BRINP3: variants seen among roughly 807,000 people sequenced by gnomAD.
BRINP3 encodes BMP/retinoic acid inducible neural specific 3.
A neutral mutation model predicts 71.0 loss-of-function variants in BRINP3; 19 were observed. The ratio of observed to expected loss-of-function variants is 0.27; its 90% confidence interval spans 0.19 to 0.39. BRINP3 has a LOEUF of 0.39. Among genes scored for constraint, BRINP3 ranks in the 10% least tolerant of loss-of-function variants. BRINP3 has a pLI of 1.00. For missense variants in BRINP3, 959 were observed against 940.8 expected, an observed-to-expected ratio of 1.02 and a Z score of -0.25; for synonymous variants, 380 against 337.7, an observed-to-expected ratio of 1.13 and a Z score of -1.37.
chr1:190,250,970 A>G (rs549824544), intron 4 of BRINP3, among the ~76,000 whole-genome samples: 1 of 152,014 alleles, frequency 6.6e-6, no homozygotes, highest in Non-Finnish European at 1.5e-5. Flanking sequence ...TAATACCAAC[A>G]ATTTGGGTGG....
chr1:190,130,686 C>CA (rs1377229251), intron 7 of BRINP3, among the ~76,000 whole-genome samples: 2 of 151,964 alleles, frequency 1.3e-5, no homozygotes. Context: ...GACTGTACAG[C>CA]CAGGGATTGT....
At position 190,173,490 on chromosome 1, in the gene BRINP3, C is replaced by A. The variant is rs556968857; in HGVS notation, c.962-12600G>T. On this transcript the variant is annotated intron_variant, in intron 6 of 7. Transcript: ENST00000367462. ...AGATACATTGGTCTTCATCTCCTCA[C>A]GCCCTTGAAGCAGCACTGGCACTAC... Among the ~76,000 whole-genome samples the A allele has an allele frequency of 7.0e-4, 106 of 152,252 alleles. 1 individual carries two copies. Among genetic ancestry groups the A allele is most frequent in the African/African-American group, 2.5e-3 (105 of 41,564 alleles).
intron 4 of BRINP3, among the ~76,000 whole-genome samples, chr1:190,264,261 TAA>T (rs1661455484): frequency 1.3e-5 from 2 of 152,170 alleles, no homozygotes; most frequent in African/African-American, 4.8e-5. Context: ...TCAGTTTTGA[TAA>T]AGTCAACCTT....
intron 4 of BRINP3, among the ~76,000 whole-genome samples, chr1:190,260,297 G>A (rs1661072287): frequency 6.6e-6 from 1 of 151,956 alleles, no homozygotes; most frequent in Non-Finnish European, 1.5e-5. Flanking sequence ...GATTCTAGCT[G>A]CTCTCACCAC....
At chr1:190,475,558 A>G (rs1677441544) in intron 1 of BRINP3, among the ~76,000 whole-genome samples, 1 of 152,112 alleles carries the variant, frequency 6.6e-6, no homozygotes, top group Non-Finnish European at 1.5e-5. Flanking sequence ...TCCCACATCA[A>G]CACCAAGCCT....
intron 3 of BRINP3, among the ~76,000 whole-genome samples, chr1:190,265,640 G>A (rs941783128): frequency 1.3e-5 from 2 of 151,068 alleles, no homozygotes; most frequent in Non-Finnish European, 3.0e-5. Flanking sequence ...CGTGAACCCG[G>A]GAGGCGGAGC....
chr1:190,186,543 G>A (rs1230186266), intron 6 of BRINP3, among the ~76,000 whole-genome samples: 1 of 152,070 alleles, frequency 6.6e-6, no homozygotes, highest in African/African-American at 2.4e-5. Flanking sequence ...TGAGCCAAAA[G>A]GTCAATAAAC....
intron 1 of BRINP3, among the ~76,000 whole-genome samples, chr1:190,455,762 G>C (rs1038127272): frequency 6.6e-6 from 1 of 152,062 alleles, no homozygotes; most frequent in Admixed American, 6.6e-5. Context: ...CATAAATTAA[G>C]CTAATGCAGA....
At chr1:190,238,857 G>A (rs1011741417) in intron 4 of BRINP3, among the ~76,000 whole-genome samples, 2 of 152,104 alleles carry the variant, frequency 1.3e-5, no homozygotes, top group African/African-American at 4.8e-5. Context: ...CCAAACAGAA[G>A]GATATTACAT....
At chr1:190,453,201 G>GTTTTTTTTTTTTTTTT (rs745819844) in intron 2 of BRINP3, among the ~76,000 whole-genome samples, 1 of 37,870 alleles carries the variant, frequency 2.6e-5, no homozygotes. Context: ...AAAAACTTTA[G>GTTTTTTTTTTTTTTTT]TATTTTTTTT....
rs531737004 is a variant in BRINP3 at position 190,208,097 on chromosome 1, A to G, written c.961+17985T>C. ...CAAGTAGCTAGGACTACAGGTAAGCACTACTACACCTGGTTAATTTTTTTT... is the reference window on the plus strand; with the variant it reads ...CAAGTAGCTAGGACTACAGGTAAGCGCTACTACACCTGGTTAATTTTTTTT... On this transcript the variant is annotated intron_variant, in intron 6 of 7. Coordinates refer to ENST00000367462, the MANE Select transcript of BRINP3 (RefSeq NM_199051.3). Among the ~76,000 whole-genome samples the G allele has an allele frequency of 1.2e-4, 18 of 151,924 alleles. No homozygotes were observed. The South Asian group carries it at 3.7e-3, about 32-fold the overall frequency.
rs750165434 is a variant in BRINP3 at position 190,257,314 on chromosome 1, C to T, written c.618+7551G>A. 4.1e-4 allele frequency among the ~76,000 whole-genome samples: 63 copies of T among 152,220 alleles called. 1 individual carries two copies. Among genetic ancestry groups the T allele is most frequent in the Non-Finnish European group, 1.3e-4 (9 of 68,012 alleles). ...GCTTGTGCATGTGTCATGTAGTTCT[C>T]GTGCCATGGTTTTCAGCTCCATCGG... On this transcript the variant is annotated intron_variant, in intron 4 of 7. Coordinates refer to ENST00000367462, the MANE Select transcript of BRINP3 (RefSeq NM_199051.3).
At chr1:190,192,642 A>T (rs1413253638) in intron 6 of BRINP3, among the ~76,000 whole-genome samples, 1 of 152,040 alleles carries the variant, frequency 6.6e-6, no homozygotes, top group Non-Finnish European at 1.5e-5. Context: ...GTTCTCTATG[A>T]CCCTCAAAAA....
chr1:190,197,630 G>T (rs1654610677), intron 6 of BRINP3, among the ~76,000 whole-genome samples: 1 of 152,158 alleles, frequency 6.6e-6, no homozygotes, highest in African/African-American at 2.4e-5. Flanking sequence ...GATCTCTTTT[G>T]GCTCCATGTC....
At chr1:190,473,458 T>A (rs1677278765) in intron 1 of BRINP3, among the ~76,000 whole-genome samples, 1 of 151,656 alleles carries the variant, frequency 6.6e-6, no homozygotes, top group South Asian at 2.1e-4. Flanking sequence ...CAGAGATAAT[T>A]TAAATAATAC....
chr1:190,170,261 G>A (rs1651898245), intron 6 of BRINP3, among the ~76,000 whole-genome samples: 2 of 151,874 alleles, frequency 1.3e-5, no homozygotes, highest in Non-Finnish European at 2.9e-5. Flanking sequence ...AAAAAAAATA[G>A]GAAAATAATA....
At chr1:190,108,518 A>AT (rs1652388641) in intron 7 of BRINP3, among the ~76,000 whole-genome samples, 1 of 151,256 alleles carries the variant, frequency 6.6e-6, no homozygotes, top group African/African-American at 2.4e-5. Flanking sequence ...TTATCTCTTA[A>AT]TTTTTCTAAC....
At position 190,454,825 on chromosome 1, in the gene BRINP3, T is replaced by G. The variant is rs190123682; in HGVS notation, c.66A>C (p.Ala22=). ...FSLMALWEWI[A]LSLHCWVLAV... ...CTAAAACCCAGCAATGAAGACTCAG[T>G]GCTATCCACTCCCATAGAGCCATCA... Residue 22 remains alanine, a synonymous_variant, in exon 2 of 8, where the codon GCA becomes GCC. Transcript: ENST00000367462. The G allele has an allele frequency of 1.2e-6, 2 of 1,614,156 alleles. No homozygotes were observed. Among genetic ancestry groups the G allele is most frequent in the African/African-American group, 2.7e-5 (2 of 75,036 alleles).
intron 6 of BRINP3, among the ~76,000 whole-genome samples, chr1:190,218,057 T>C (rs753906186): frequency 4.1e-4 from 63 of 152,102 alleles, no homozygotes; most frequent in Middle Eastern, 6.8e-3. Context: ...TTTATTAAAT[T>C]ACACGAATAC....
Sources: gnomAD v4.1 joint callset for allele counts (sites outside exome capture counted in the v4.1 genomes callset) on GRCh38, gnomAD v4.1.1 for gene constraint, MANE v1.5 for transcripts, NCBI Gene and HGNC (gene_info 2026-07-23, HGNC 2026-07-21) for gene names.